The following PHACTR1 variants were observed in gnomAD, a reference collection of about 807,000 sequenced individuals.
PHACTR1 encodes phosphatase and actin regulator 1.
In PHACTR1, 16 loss-of-function variants were observed where a neutral mutation model predicts 69.2. That is an observed-to-expected ratio of 0.23 (90% CI 0.16 to 0.35). PHACTR1 has a LOEUF of 0.35. Ranked by LOEUF, PHACTR1 falls within the 10% of genes least tolerant of loss-of-function variation. The pLI, the probability that PHACTR1 is intolerant of heterozygous loss-of-function variation, is 1.00. For synonymous variants in PHACTR1, 312 were observed against 284.5 expected (o/e 1.10, Z -0.97); for missense variants, 510 against 734.7 (o/e 0.69, Z 3.54).
intron 4 of PHACTR1, among the ~76,000 whole-genome samples, chr6:12,937,828 C>T (rs1385857860): frequency 6.6e-6 from 1 of 152,190 alleles, no homozygotes; most frequent in African/African-American, 2.4e-5. Flanking sequence ...TGGCTGGGCT[C>T]CGTGGCTCAG....
chr6:13,231,282 AAGAGAAAG>A (rs1771081598), intron 10 of PHACTR1, among the ~76,000 whole-genome samples: 2 of 72,738 alleles, frequency 2.7e-5, no homozygotes, highest in South Asian at 1.2e-3. Flanking sequence ...GAAAGAAGGA[AAGAGAAAG>A]AGAGAGCGAA....
intron 4 of PHACTR1, among the ~76,000 whole-genome samples, chr6:13,019,481 A>G (rs906045065): frequency 2.0e-5 from 3 of 152,262 alleles, no homozygotes; most frequent in Admixed American, 1.3e-4. Flanking sequence ...AGATTCTGCA[A>G]TATCTGTTTC....
rs1335019366 is a variant in PHACTR1 at position 13,081,798 on chromosome 6, G to C, written c.415+28269G>C. Among the ~76,000 whole-genome samples, 10 of 152,296 alleles carry C rather than the reference G, an allele frequency of 6.6e-5. No homozygotes were observed. The South Asian group carries it at 1.7e-3, about 25-fold the overall frequency. On this transcript the variant is annotated intron_variant, in intron 5 of 14. Coordinates refer to ENST00000332995, the MANE Select transcript of PHACTR1 (RefSeq NM_030948.6). ...GCTATGATTGTACCACTGCACTTCA[G>C]CCTAGGCGATGGAGTAAGACCCTGT... is the stretch of plus-strand genomic sequence containing the variant.
intron 4 of PHACTR1, among the ~76,000 whole-genome samples, chr6:13,050,326 T>C (rs1365264817): frequency 1.3e-5 from 2 of 152,184 alleles, no homozygotes; most frequent in Non-Finnish European, 2.9e-5. Context: ...ACCTTCTGAA[T>C]CTTTTATCTT....
At chr6:13,034,252 C>T (rs1041852881) in intron 4 of PHACTR1, among the ~76,000 whole-genome samples, 1 of 152,010 alleles carries the variant, frequency 6.6e-6, no homozygotes, top group Admixed American at 6.5e-5. Context: ...CTCCTGACCT[C>T]GTGATCCGCC....
At chr6:13,237,194 C>G (rs1162408464) in intron 10 of PHACTR1, among the ~76,000 whole-genome samples, 1 of 151,980 alleles carries the variant, frequency 6.6e-6, no homozygotes, top group Non-Finnish European at 1.5e-5. Context: ...CTGGACAACA[C>G]AGACCCCATG....
chr6:13,108,276 G>GA (rs1389022008), intron 5 of PHACTR1, among the ~76,000 whole-genome samples: 23 of 141,276 alleles, frequency 1.6e-4, no homozygotes, highest in African/African-American at 5.0e-4. Flanking sequence ...AATTTAATGA[G>GA]ACTTTTTTAT....
chr6:12,791,805 T>A (rs1373180334), intron 4 of PHACTR1, among the ~76,000 whole-genome samples: 1 of 152,228 alleles, frequency 6.6e-6, no homozygotes, highest in Non-Finnish European at 1.5e-5. Context: ...TGCATCCAGA[T>A]CTTGTTCTAG....
At chr6:13,217,313 A>G (rs1767835712) in intron 8 of PHACTR1, among the ~76,000 whole-genome samples, 1 of 152,140 alleles carries the variant, frequency 6.6e-6, no homozygotes, top group Non-Finnish European at 1.5e-5. Flanking sequence ...CAAGGTTAGC[A>G]ATGGCCCAGC....
At chr6:13,054,674 C>T (rs147131886) in intron 5 of PHACTR1, among the ~76,000 whole-genome samples, 114 of 152,286 alleles carry the variant, frequency 7.5e-4, no homozygotes, top group African/African-American at 2.7e-3. Context: ...ACACTAATTC[C>T]ATCATGAGTG....
chr6:13,165,589 G>A (rs557911604), intron 6 of PHACTR1, among the ~76,000 whole-genome samples: 11 of 152,208 alleles, frequency 7.2e-5, no homozygotes, highest in Non-Finnish European at 1.2e-4. Context: ...AGTGATGAGC[G>A]CTCTGAAGAA....
chr6:12,957,539 G>A lies in PHACTR1; in HGVS notation c.251-95826G>A, dbSNP rs913882548. On this transcript the variant is annotated intron_variant, in intron 4 of 14. Transcript: ENST00000332995. ...CTGGGCTTCTAAGGACTGGGGCTCTGTGAAGGTAAGAGGCAGTCTGTGCCC... is the reference window on the plus strand; with the variant it reads ...CTGGGCTTCTAAGGACTGGGGCTCTATGAAGGTAAGAGGCAGTCTGTGCCC... The A allele has an allele frequency of 7.1e-6, 7 of 985,416 alleles. No homozygotes were observed. The African/African-American group carries it at 1.0e-4, about 15-fold the overall frequency. The allele number at this position is 985,416 out of a possible 1,614,324, so 61.0% of individuals were successfully genotyped here. A position where few individuals can be genotyped will look rare whatever the true frequency, so the allele number is the denominator to read the frequency against.
chr6:12,809,995 C>T (rs746556374), intron 4 of PHACTR1, among the ~76,000 whole-genome samples: 5 of 152,112 alleles, frequency 3.3e-5, no homozygotes, highest in Admixed American at 1.3e-4. Context: ...GATGAAACTA[C>T]GGAATAAATG....
intron 5 of PHACTR1, among the ~76,000 whole-genome samples, chr6:13,137,091 A>G (rs1821681485): frequency 6.6e-6 from 1 of 152,228 alleles, no homozygotes; most frequent in African/African-American, 2.4e-5. Context: ...CAATTTGTAT[A>G]AAATGCTGTC....
intron 5 of PHACTR1, among the ~76,000 whole-genome samples, chr6:13,131,619 C>G (rs1350993700): frequency 1.3e-5 from 2 of 152,148 alleles, no homozygotes; most frequent in East Asian, 1.9e-4. Context: ...CTGTAACTCT[C>G]AATAAGTTAA....
chr6:13,060,729 G>A (rs1288921832), intron 5 of PHACTR1, among the ~76,000 whole-genome samples: 7 of 152,164 alleles, frequency 4.6e-5, no homozygotes, highest in East Asian at 1.9e-4. Context: ...GGAGAAGAAC[G>A]TACAGGGTGA....
intron 5 of PHACTR1, among the ~76,000 whole-genome samples, chr6:13,115,092 C>T (rs1694791175): frequency 6.6e-6 from 1 of 152,166 alleles, no homozygotes; most frequent in African/African-American, 2.4e-5. Context: ...GGCTAAACTG[C>T]CTCCCAAGTT....
At chr6:12,864,046 G>A (rs190151362) in intron 4 of PHACTR1, among the ~76,000 whole-genome samples, 2 of 152,188 alleles carry the variant, frequency 1.3e-5, no homozygotes, top group Non-Finnish European at 2.9e-5. Context: ...ATTGCTGGTG[G>A]TATTCAATAC....
intron 4 of PHACTR1, among the ~76,000 whole-genome samples, chr6:12,933,128 G>C (rs1439585865): frequency 6.6e-6 from 1 of 151,850 alleles, no homozygotes; most frequent in African/African-American, 2.4e-5. Flanking sequence ...TAGATATGTG[G>C]TTTAGCCATG....
Sources: gnomAD v4.1 joint callset for allele counts (sites outside exome capture counted in the v4.1 genomes callset) on GRCh38, gnomAD v4.1.1 for gene constraint, MANE v1.5 for transcripts, NCBI Gene and HGNC (gene_info 2026-07-23, HGNC 2026-07-21) for gene names.